The following LTBP1 variants were observed in gnomAD, a reference collection of about 807,000 sequenced individuals.
LTBP1 encodes the protein latent-transforming growth factor beta-binding protein 1.
In LTBP1, 129 loss-of-function variants were observed where a neutral mutation model predicts 207.6. The ratio of observed to expected loss-of-function variants is 0.62; its 90% CI spans 0.54 to 0.72. The LOEUF is 0.72. LTBP1 is among the 30% of genes least tolerant of loss of function. The probability of loss-of-function intolerance (pLI) is 0.00; values close to 1 mark genes in which losing one functional copy is unlikely to be tolerated. For missense variants in LTBP1, 2,281 were observed against 2,217.2 expected (o/e 1.03, Z -0.58); for synonymous variants, 963 against 833.7 (o/e 1.16, Z -2.67).
chr2:32,968,166 C>T (rs1680277371), intron 2 of LTBP1, among the ~76,000 whole-genome samples: 1 of 152,016 alleles, frequency 6.6e-6, no homozygotes, highest in Non-Finnish European at 1.5e-5. Flanking sequence ...TAGAGTTTCA[C>T]CATGTTGGCC....
At chr2:33,382,997 T>G (rs1304204788) in intron 31 of LTBP1, among the ~76,000 whole-genome samples, 1 of 152,000 alleles carries the variant, frequency 6.6e-6, no homozygotes, top group African/African-American at 2.4e-5. Flanking sequence ...TGGTACAGAG[T>G]GGAATGTTCT....
chr2:33,261,361 G>A (rs1048959314), intron 13 of LTBP1, among the ~76,000 whole-genome samples: 1 of 152,184 alleles, frequency 6.6e-6, no homozygotes, highest in Non-Finnish European at 1.5e-5. Context: ...GTCATCTCTA[G>A]TAAGTAATAG....
At chr2:32,973,790 C>T (rs1403721087) in intron 2 of LTBP1, among the ~76,000 whole-genome samples, 1 of 152,126 alleles carries the variant, frequency 6.6e-6, no homozygotes, top group Non-Finnish European at 1.5e-5. Flanking sequence ...CTCTCTATGT[C>T]CATGAGTTCA....
At chr2:33,164,323 C>T (rs555457978) in intron 5 of LTBP1, among the ~76,000 whole-genome samples, 2 of 129,054 alleles carry the variant, frequency 1.5e-5, no homozygotes, top group South Asian at 5.1e-4. Context: ...GCACTCCAGC[C>T]TGGGTGACAG....
chr2:33,145,969 C>T (rs896973879), intron 5 of LTBP1, among the ~76,000 whole-genome samples: 1 of 152,186 alleles, frequency 6.6e-6, no homozygotes, highest in African/African-American at 2.4e-5. Flanking sequence ...CAAAGTCTAT[C>T]ATATTTTGGA....
At chr2:33,171,090 A>G (rs1367579911) in intron 5 of LTBP1, among the ~76,000 whole-genome samples, 2 of 104,874 alleles carry the variant, frequency 1.9e-5, no homozygotes, top group African/African-American at 7.4e-5. Flanking sequence ...TGGAAACTCT[A>G]AAAAGCAGAG....
At chr2:33,198,309 T>A (rs998771245) in intron 7 of LTBP1, among the ~76,000 whole-genome samples, 5 of 152,292 alleles carry the variant, frequency 3.3e-5, no homozygotes, top group South Asian at 2.1e-4. Flanking sequence ...CTAGTATTTT[T>A]TTGAGGATTT....
chr2:33,377,745 G>A (rs1250485479), intron 31 of LTBP1, among the ~76,000 whole-genome samples: 3 of 152,166 alleles, frequency 2.0e-5, no homozygotes, highest in Admixed American at 6.5e-5. Context: ...CCTGAGATGG[G>A]TAATTTATAA....
In LTBP1 at chr2:33,142,852, G is replaced by A. The variant is rs565634970; in HGVS notation, c.1201+7892G>A. 9.3e-4 allele frequency among the ~76,000 whole-genome samples: 142 copies of A among 152,306 alleles called. 1 individual carries two copies. The highest frequency in any genetic ancestry group is 1.8e-3 in the Non-Finnish European group (121 of 68,024). ...TGAAAGGGTTGTGCTAGGCCAGCCT[G>A]GAATAAATAACCTTTCAAAATTCCT... On this transcript the variant is annotated intron_variant, in intron 5 of 33. Transcript: ENST00000404816.
At position 33,057,840 on chromosome 2, in the gene LTBP1, G is replaced by A. The variant is rs574477672; in HGVS notation, c.863+36634G>A. 6.6e-5 allele frequency among the ~76,000 whole-genome samples: 10 copies of A among 152,366 alleles called. No individual in the cohort carries two copies. In the South Asian group the frequency reaches 8.3e-4, roughly 13 times the overall value. On this transcript the variant is annotated intron_variant, in intron 3 of 33. Transcript: ENST00000404816. ...CACCTCCCCGCAAGCCGAGGGAGGC[G>A]GCTCCGGCCTCGGCCAGCCCAGAGA... is the stretch of plus-strand genomic sequence containing the variant.
chr2:33,320,555 AGCCATATGAAGTGCCT>A (rs1306439964), intron 24 of LTBP1, among the ~76,000 whole-genome samples: 1 of 152,160 alleles, frequency 6.6e-6, no homozygotes, highest in Admixed American at 6.5e-5. Flanking sequence ...GAAGAAATGA[AGCCATATGAAGTGCCT>A]GTCATGTTCA....
intron 5 of LTBP1, among the ~76,000 whole-genome samples, chr2:33,177,183 A>C (rs116203847): frequency 1.3e-5 from 2 of 152,292 alleles, no homozygotes; most frequent in East Asian, 3.9e-4. Context: ...AGACAGTTAC[A>C]TTAGTGTAAT....
chr2:32,954,424 C>G (rs1426005050), intron 2 of LTBP1, among the ~76,000 whole-genome samples: 1 of 152,096 alleles, frequency 6.6e-6, no homozygotes, highest in African/African-American at 2.4e-5. Context: ...CTCTCCTTGG[C>G]CTGTAGATGG....
At chr2:33,046,098 C>CCTTT (rs1270713984) in intron 3 of LTBP1, among the ~76,000 whole-genome samples, 1 of 152,008 alleles carries the variant, frequency 6.6e-6, no homozygotes. Flanking sequence ...ATTTGAATAC[C>CCTTT]CTTTCTTTCT....
chr2:33,358,425 A>T (rs144455046), intron 26 of LTBP1, among the ~76,000 whole-genome samples: 15 of 151,692 alleles, frequency 9.9e-5, no homozygotes, highest in Admixed American at 3.3e-4. Flanking sequence ...AATGCATAAA[A>T]TTATATTTAA....
chr2:33,064,720 G>A (rs528055396), intron 3 of LTBP1, among the ~76,000 whole-genome samples: 57 of 152,326 alleles, frequency 3.7e-4, no homozygotes, highest in African/African-American at 1.2e-3. Flanking sequence ...TTCCAAGACT[G>A]TGTACTATAT....
intron 5 of LTBP1, among the ~76,000 whole-genome samples, chr2:33,156,412 T>A (rs528512691): frequency 6.6e-6 from 1 of 152,332 alleles, no homozygotes; most frequent in South Asian, 2.1e-4. Flanking sequence ...CAGAGTACTT[T>A]CTTCCATCGC....
intron 7 of LTBP1, among the ~76,000 whole-genome samples, chr2:33,210,833 T>C (rs1161378670): frequency 6.6e-6 from 1 of 152,218 alleles, no homozygotes; most frequent in Non-Finnish European, 1.5e-5. Context: ...CTCTCCCCAG[T>C]AGAGCCATTG....
intron 3 of LTBP1, among the ~76,000 whole-genome samples, chr2:33,096,075 G>A (rs2150080359): frequency 6.6e-6 from 1 of 152,164 alleles, no homozygotes; most frequent in East Asian, 1.9e-4. Context: ...CCACACCTGG[G>A]CACTGCATAA....
Sources: allele counts gnomAD v4.1 joint callset (sites outside exome capture counted in the v4.1 genomes callset), GRCh38; gene constraint gnomAD v4.1.1; transcripts MANE v1.5; gene names NCBI Gene and HGNC (gene_info 2026-07-23, HGNC 2026-07-21).